PDE7B: variants seen among roughly 807,000 people sequenced by gnomAD.
The protein encoded by PDE7B is phosphodiesterase 7B, also known as 3',5'-cyclic-AMP phosphodiesterase 7B.
PDE7B carries 29 observed loss-of-function variants against 56.2 expected under a neutral mutation model. The observed-to-expected ratio is 0.52, with a 90% CI of 0.38 to 0.70. The LOEUF (loss-of-function observed/expected upper bound fraction) is 0.70. PDE7B is among the 30% of genes least tolerant of loss of function. The probability of loss-of-function intolerance (pLI) is 0.00; values close to 1 mark genes in which losing one functional copy is unlikely to be tolerated. For missense variants in PDE7B, 490 were observed against 565.0 expected (o/e 0.87, Z 1.35); for synonymous variants, 197 against 196.9 (o/e 1.00, Z 0.00).
chr6:136,036,313 T>C (rs1776325513), intron 2 of PDE7B, among the ~76,000 whole-genome samples: 1 of 152,204 alleles, frequency 6.6e-6, no homozygotes, highest in African/African-American at 2.4e-5. Context: ...GTGTTGTATG[T>C]ATATCTGGTT....
intron 3 of PDE7B, among the ~76,000 whole-genome samples, chr6:136,136,964 AT>A (rs1677422312): frequency 6.6e-6 from 1 of 152,020 alleles, no homozygotes; most frequent in South Asian, 2.1e-4. Context: ...TAATCAACAA[AT>A]TTTTTACTGT....
At chr6:135,857,500 G>A (rs538030081) in intron 1 of PDE7B, among the ~76,000 whole-genome samples, 1 of 152,170 alleles carries the variant, frequency 6.6e-6, no homozygotes, top group South Asian at 2.1e-4. Flanking sequence ...ATGGTGTGAG[G>A]AGTATGTTTC....
chr6:136,149,238 C>A, intron 5 of PDE7B, 88 bp downstream of exon 5: 1 of 861,280 alleles, frequency 1.2e-6, no homozygotes, highest in Non-Finnish European at 2.0e-6. Flanking sequence ...TTAAACACTG[C>A]TATTCCTTTT....
chr6:136,045,675 T>C (rs748102682), intron 2 of PDE7B, among the ~76,000 whole-genome samples: 3 of 152,004 alleles, frequency 2.0e-5, no homozygotes, highest in Non-Finnish European at 2.9e-5. Context: ...CCAAGCTTAC[T>C]ACAGAAAAAT....
At chr6:136,155,907 T>C (rs1358024354) in intron 8 of PDE7B, 149 bp downstream of exon 8, 4 of 889,084 alleles carry the variant, frequency 4.5e-6, no homozygotes, top group Middle Eastern at 4.2e-4. Context: ...CCTCAAAAAT[T>C]TGTTCAAACT....
chr6:136,015,052 C>T (rs754911607), intron 2 of PDE7B, among the ~76,000 whole-genome samples: 22 of 152,306 alleles, frequency 1.4e-4, no homozygotes, highest in Non-Finnish European at 1.0e-4. Flanking sequence ...CACACAGACA[C>T]GCACACAGAA....
intron 2 of PDE7B, among the ~76,000 whole-genome samples, chr6:136,078,451 GTC>G (rs1777155502): frequency 6.6e-6 from 1 of 151,974 alleles, no homozygotes. Flanking sequence ...ATCCATTCTA[GTC>G]TCTGTCTAGT....
chr6:135,981,971 A>G (rs1775305636), intron 2 of PDE7B, among the ~76,000 whole-genome samples: 1 of 152,050 alleles, frequency 6.6e-6, no homozygotes, highest in African/African-American at 2.4e-5. Flanking sequence ...CTGTGCTACA[A>G]TGGTTACAAT....
intron 2 of PDE7B, among the ~76,000 whole-genome samples, chr6:136,060,758 C>T (rs890347390): frequency 2.6e-5 from 4 of 152,158 alleles, no homozygotes; most frequent in Admixed American, 2.0e-4. Flanking sequence ...ACTGTCTGTG[C>T]TGAGTAAATT....
chr6:135,913,318 C>T (rs1009782307), intron 1 of PDE7B, among the ~76,000 whole-genome samples: 2 of 152,170 alleles, frequency 1.3e-5, no homozygotes, highest in Admixed American at 1.3e-4. Context: ...GCCTGTGCTG[C>T]TAACCACCAT....
At chr6:135,990,591 C>G (rs758343308) in intron 2 of PDE7B, among the ~76,000 whole-genome samples, 1 of 152,126 alleles carries the variant, frequency 6.6e-6, no homozygotes, top group Non-Finnish European at 1.5e-5. Flanking sequence ...TGAAGTTAGA[C>G]GTATAGAAAT....
chr6:136,038,235 GCAGCAGCAGCAGCAC>G, intron 2 of PDE7B: 1 of 1,298,976 alleles, frequency 7.7e-7, no homozygotes, highest in Admixed American at 2.3e-5. Flanking sequence ...AGCAACAGCA[GCAGCAGCAGCAGCAC>G]CACCACCACC....
At chr6:135,997,808 T>C (rs1048394390) in intron 2 of PDE7B, among the ~76,000 whole-genome samples, 2 of 152,156 alleles carry the variant, frequency 1.3e-5, no homozygotes, top group East Asian at 1.9e-4. Flanking sequence ...GTAATATATA[T>C]GTAGGGATAA....
intron 1 of PDE7B, among the ~76,000 whole-genome samples, chr6:135,946,310 G>A (rs1381263523): frequency 2.6e-5 from 4 of 151,014 alleles, no homozygotes; most frequent in Non-Finnish European, 5.9e-5. Context: ...AGTATATGTA[G>A]CTCTAATTCA....
chr6:136,167,114 C>T (rs1250752026), intron 8 of PDE7B, among the ~76,000 whole-genome samples: 1 of 152,132 alleles, frequency 6.6e-6, no homozygotes, highest in Non-Finnish European at 1.5e-5. Flanking sequence ...CAAGCTTTTG[C>T]TCAAATCTCA....
intron 2 of PDE7B, among the ~76,000 whole-genome samples, chr6:136,108,454 A>C (rs1232058151): frequency 1.6e-4 from 24 of 152,182 alleles, no homozygotes; most frequent in African/African-American, 5.3e-4. Context: ...GAAGCATAAA[A>C]AGACTTTTGT....
intron 2 of PDE7B, chr6:136,043,950 T>C (rs768014572): frequency 2.0e-5 from 3 of 152,216 alleles, no homozygotes; most frequent in Non-Finnish European, 4.4e-5. Context: ...CGAACTCATT[T>C]TTCCAGTCTT....
intron 2 of PDE7B, among the ~76,000 whole-genome samples, chr6:135,955,984 G>T (rs1774785817): frequency 6.6e-6 from 1 of 152,170 alleles, no homozygotes; most frequent in African/African-American, 2.4e-5. Flanking sequence ...CAGAAGGAGG[G>T]CTCTGCAAGT....
At chr6:136,115,320 G>T (rs1165990163) in intron 3 of PDE7B, among the ~76,000 whole-genome samples, 1 of 152,098 alleles carries the variant, frequency 6.6e-6, no homozygotes, top group East Asian at 1.9e-4. Flanking sequence ...CCTGGGAGAA[G>T]TTAAAACACA....
Sources: gnomAD v4.1 joint callset for allele counts (sites outside exome capture counted in the v4.1 genomes callset) on GRCh38, gnomAD v4.1.1 for gene constraint, MANE v1.5 for transcripts, NCBI Gene and HGNC (gene_info 2026-07-23, HGNC 2026-07-21) for gene names.